SLC25A26: variants seen among roughly 807,000 people sequenced by gnomAD.
SLC25A26 encodes solute carrier family 25 member 26, also known as mitochondrial S-adenosylmethionine carrier protein.
SLC25A26 carries 36 observed loss-of-function variants against 37.8 expected under a neutral mutation model. The observed-to-expected ratio is 0.95, with a 90% CI of 0.73 to 1.26. SLC25A26 has a LOEUF of 1.26. SLC25A26 is among the 50% of genes most tolerant of loss of function. The pLI is 0.00. For synonymous variants in SLC25A26, 129 were observed against 122.5 expected, an observed-to-expected ratio of 1.05 and a Z score of -0.35; for missense variants, 390 against 331.1, an observed-to-expected ratio of 1.18 and a Z score of -1.38.
At chr3:66,288,911 C>T (rs887782759) in intron 5 of SLC25A26, among the ~76,000 whole-genome samples, 1 of 152,146 alleles carries the variant, frequency 6.6e-6, no homozygotes, top group African/African-American at 2.4e-5. Flanking sequence ...CACTGTCTTC[C>T]ACAATGGTTG....
At chr3:66,194,482 A>G (rs1362979704) in intron 1 of SLC25A26, among the ~76,000 whole-genome samples, 4 of 152,248 alleles carry the variant, frequency 2.6e-5, no homozygotes, top group Non-Finnish European at 5.9e-5. Flanking sequence ...AGAGAGAACG[A>G]ATGGAATTTT....
chr3:66,364,965 C>A (rs2076794376), intron 7 of SLC25A26, among the ~76,000 whole-genome samples: 1 of 152,022 alleles, frequency 6.6e-6, no homozygotes, highest in Non-Finnish European at 1.5e-5. Flanking sequence ...TATTTATATC[C>A]CTTATTTTGA....
chr3:66,274,805 G>A (rs376051791), intron 5 of SLC25A26, among the ~76,000 whole-genome samples: 48 of 151,772 alleles, frequency 3.2e-4, no homozygotes, highest in East Asian at 1.6e-3. Flanking sequence ...TGTTGGTGGG[G>A]CTGTAAACTA....
intron 5 of SLC25A26, among the ~76,000 whole-genome samples, chr3:66,325,387 A>C (rs1220233526): frequency 6.6e-6 from 1 of 152,194 alleles, no homozygotes; most frequent in Non-Finnish European, 1.5e-5. Flanking sequence ...TGTACCAGGT[A>C]CTATGCATAG....
chr3:66,247,772 T>C (rs1046178642), intron 3 of SLC25A26, among the ~76,000 whole-genome samples: 3 of 152,258 alleles, frequency 2.0e-5, no homozygotes, highest in Admixed American at 1.3e-4. Flanking sequence ...TAAATGCTTA[T>C]ATACATATTA....
At chr3:66,331,832 CT>C (rs1446321655) in intron 5 of SLC25A26, among the ~76,000 whole-genome samples, 2 of 152,164 alleles carry the variant, frequency 1.3e-5, no homozygotes, top group African/African-American at 4.8e-5. Context: ...CTGTCTCCTG[CT>C]TACATCCCTC....
intron 1 of SLC25A26, among the ~76,000 whole-genome samples, chr3:66,151,113 A>G (rs1350183929): frequency 6.6e-6 from 1 of 151,952 alleles, no homozygotes; most frequent in African/African-American, 2.4e-5. Flanking sequence ...CCCAACACAT[A>G]TTTTTTCACA....
chr3:66,225,323 G>C (rs531309116), intron 1 of SLC25A26, among the ~76,000 whole-genome samples: 1 of 152,266 alleles, frequency 6.6e-6, no homozygotes, highest in South Asian at 2.1e-4. Flanking sequence ...CACACCCACA[G>C]TACCAACACC....
intron 6 of SLC25A26, among the ~76,000 whole-genome samples, chr3:66,355,502 A>G (rs1179129080): frequency 1.3e-5 from 2 of 152,192 alleles, no homozygotes; most frequent in Non-Finnish European, 2.9e-5. Flanking sequence ...TATATGAAAA[A>G]TTCATTTTAG....
intron 1 of SLC25A26, among the ~76,000 whole-genome samples, chr3:66,196,942 C>T (rs2071052243): frequency 6.6e-6 from 1 of 152,094 alleles, no homozygotes. Flanking sequence ...TATGTATTAT[C>T]ATCCAAGGCA....
intron 5 of SLC25A26, among the ~76,000 whole-genome samples, chr3:66,331,794 C>T (rs1449763072): frequency 6.6e-6 from 1 of 152,136 alleles, no homozygotes; most frequent in Non-Finnish European, 1.5e-5. Flanking sequence ...TGACTTTCCC[C>T]ACCAACTTGT....
chr3:66,239,467 T>C (rs145455292), intron 2 of SLC25A26, among the ~76,000 whole-genome samples: 3,097 of 152,344 alleles, frequency 0.02, 39 homozygotes, highest in Non-Finnish European at 0.032. Context: ...ATTTACTTAA[T>C]GGCAGCTGGG....
chr3:66,263,233 C>T, intron 4 of SLC25A26, 99 bp from the exon 5 acceptor site: 1 of 822,546 alleles, frequency 1.2e-6, no homozygotes, highest in Middle Eastern at 2.2e-4. Flanking sequence ...TGTGAATGTT[C>T]TAGAACTCAA....
upstream of SLC25A26, among the ~76,000 whole-genome samples, chr3:66,220,126 A>G (rs1054832926): frequency 2.0e-5 from 3 of 152,220 alleles, no homozygotes; most frequent in Admixed American, 2.0e-4. Flanking sequence ...TGAGGGCATT[A>G]AGTATATTTT....
At chr3:66,136,971 G>A (rs531412159) in intron 1 of SLC25A26, among the ~76,000 whole-genome samples, 1 of 152,038 alleles carries the variant, frequency 6.6e-6, no homozygotes, top group Non-Finnish European at 1.5e-5. Context: ...CTTACTTTAT[G>A]GTTATCTCTT....
intron 1 of SLC25A26, among the ~76,000 whole-genome samples, chr3:66,208,439 T>G (rs2106826768): frequency 6.6e-6 from 1 of 152,056 alleles, no homozygotes; most frequent in South Asian, 2.1e-4. Context: ...GGAAAGAGAT[T>G]GCCACATGGA....
chr3:66,147,963 C>T (rs997059013), intron 1 of SLC25A26, among the ~76,000 whole-genome samples: 5 of 151,728 alleles, frequency 3.3e-5, no homozygotes, highest in African/African-American at 7.3e-5. Context: ...TTCACCCTGT[C>T]GGCCAGGCTG....
intron 5 of SLC25A26, among the ~76,000 whole-genome samples, chr3:66,320,378 C>T (rs1360365925): frequency 3.9e-5 from 6 of 152,260 alleles, no homozygotes; most frequent in South Asian, 4.1e-4. Context: ...TTGTGTTTGG[C>T]TTATTTCACT....
intron 5 of SLC25A26, among the ~76,000 whole-genome samples, chr3:66,296,182 A>G (rs187745906): frequency 6.6e-6 from 1 of 152,198 alleles, no homozygotes; most frequent in Non-Finnish European, 1.5e-5. Flanking sequence ...TAAGCATGCT[A>G]ATTAGTTCAA....
Sources: allele counts gnomAD v4.1 joint callset (sites outside exome capture counted in the v4.1 genomes callset), GRCh38; gene constraint gnomAD v4.1.1; transcripts MANE v1.5; gene names NCBI Gene and HGNC (gene_info 2026-07-23, HGNC 2026-07-21).